FHIT: variants seen among roughly 807,000 people sequenced by gnomAD.
FHIT encodes the protein bis(5'-adenosyl)-triphosphatase.
FHIT carries 19 observed loss-of-function variants against 17.9 expected under a neutral mutation model. The observed-to-expected ratio is 1.06, with a 90% confidence interval of 0.74 to 1.56. FHIT has a LOEUF of 1.56. Among genes scored for constraint, FHIT ranks in the 40% most tolerant of loss-of-function variants. FHIT has a pLI of 0.00. For missense variants in FHIT, 248 were observed against 189.2 expected (o/e 1.31, Z -1.82); for synonymous variants, 81 against 69.7 (o/e 1.16, Z -0.81).
chr3:60,609,681 AG>A (rs1464401357), intron 4 of FHIT, among the ~76,000 whole-genome samples: 4 of 152,130 alleles, frequency 2.6e-5, no homozygotes, highest in African/African-American at 9.7e-5. Flanking sequence ...CACTAGGCTT[AG>A]GCAAGTACCA....
At chr3:60,491,702 C>T (rs2034075230) in intron 5 of FHIT, among the ~76,000 whole-genome samples, 1 of 152,080 alleles carries the variant, frequency 6.6e-6, no homozygotes, top group African/African-American at 2.4e-5. Flanking sequence ...CATTTTTAGC[C>T]ATGGATTTAA....
At chr3:60,283,210 G>A (rs534288266) in intron 5 of FHIT, among the ~76,000 whole-genome samples, 32 of 152,084 alleles carry the variant, frequency 2.1e-4, no homozygotes, top group African/African-American at 7.5e-4. Flanking sequence ...TGATTTAGGA[G>A]AGCGAAAAAC....
intron 3 of FHIT, among the ~76,000 whole-genome samples, chr3:60,824,387 A>T (rs1180810219): frequency 5.3e-5 from 8 of 152,240 alleles, no homozygotes; most frequent in African/African-American, 1.7e-4. Context: ...TGTACTGATC[A>T]TCTGAATAAA....
At chr3:60,202,920 G>A (rs909011449) in intron 5 of FHIT, among the ~76,000 whole-genome samples, 33 of 152,092 alleles carry the variant, frequency 2.2e-4, no homozygotes, top group Non-Finnish European at 3.7e-4. Context: ...CTTTGTCTAT[G>A]ACCTCAGCTT....
At chr3:60,318,295 G>C (rs996670207) in intron 5 of FHIT, among the ~76,000 whole-genome samples, 2 of 152,078 alleles carry the variant, frequency 1.3e-5, no homozygotes, top group African/African-American at 2.4e-5. Flanking sequence ...CTAACAAAAG[G>C]AAAGTCTTGC....
intron 5 of FHIT, among the ~76,000 whole-genome samples, chr3:60,246,107 G>T (rs184574159): frequency 1.2e-4 from 19 of 152,190 alleles, no homozygotes; most frequent in Admixed American, 1.2e-3. Context: ...TAGATCAGAA[G>T]TATGGAATGA....
intron 8 of FHIT, among the ~76,000 whole-genome samples, chr3:59,905,075 T>C (rs527571169): frequency 6.6e-6 from 1 of 152,326 alleles, no homozygotes; most frequent in South Asian, 2.1e-4. Flanking sequence ...GGCTTTAAAC[T>C]CTCTTCCACT....
At chr3:60,417,423 T>C (rs954455428) in intron 5 of FHIT, among the ~76,000 whole-genome samples, 1 of 152,170 alleles carries the variant, frequency 6.6e-6, no homozygotes, top group Non-Finnish European at 1.5e-5. Context: ...ACACAGTGGG[T>C]CCATTTGCTG....
intron 8 of FHIT, among the ~76,000 whole-genome samples, chr3:59,814,955 T>C (rs1426683781): frequency 6.6e-6 from 1 of 152,200 alleles, no homozygotes; most frequent in Non-Finnish European, 1.5e-5. Flanking sequence ...GAGTACACAT[T>C]CCAGCTCATG....
At chr3:61,100,426 T>C (rs1275413405) in intron 2 of FHIT, among the ~76,000 whole-genome samples, 1 of 152,210 alleles carries the variant, frequency 6.6e-6, no homozygotes, top group African/African-American at 2.4e-5. Context: ...TTCCATGGTG[T>C]ATATGTGCCA....
chr3:60,250,351 A>T (rs1007306825), intron 5 of FHIT, among the ~76,000 whole-genome samples: 9 of 152,192 alleles, frequency 5.9e-5, no homozygotes, highest in African/African-American at 2.2e-4. Flanking sequence ...TGACTAAAGG[A>T]GCACATTTTT....
intron 3 of FHIT, among the ~76,000 whole-genome samples, chr3:61,014,696 C>T (rs181387103): frequency 0.013 from 1,820 of 145,212 alleles, 40 homozygotes; most frequent in African/African-American, 0.045. Context: ...ATGAGAATGG[C>T]GTGAACCCAG....
At chr3:60,158,169 C>A (rs1403729475) in intron 5 of FHIT, among the ~76,000 whole-genome samples, 1 of 152,114 alleles carries the variant, frequency 6.6e-6, no homozygotes, top group Admixed American at 6.5e-5. Flanking sequence ...TATAGCTGGG[C>A]CTCACTGTTA....
At chr3:60,424,322 G>C (rs1169410709) in intron 5 of FHIT, among the ~76,000 whole-genome samples, 2 of 152,076 alleles carry the variant, frequency 1.3e-5, no homozygotes, top group Admixed American at 6.6e-5. Flanking sequence ...TAATATCGGA[G>C]AACATGTTTT....
At chr3:60,476,505 C>G (rs413942) in intron 5 of FHIT, among the ~76,000 whole-genome samples, 6,884 of 152,210 alleles carry the variant, frequency 0.045, 200 homozygotes, top group Middle Eastern at 0.1. Flanking sequence ...AACGATTGGG[C>G]AGAAAGGAAT....
At chr3:59,986,987 T>A (rs1266433211) in intron 7 of FHIT, among the ~76,000 whole-genome samples, 47 of 127,756 alleles carry the variant, frequency 3.7e-4, no homozygotes, top group Non-Finnish European at 5.7e-4. Flanking sequence ...AGAAAAATAT[T>A]TTATATTTTA....
chr3:59,926,498 T>A (rs2107209052), intron 7 of FHIT, among the ~76,000 whole-genome samples: 1 of 152,216 alleles, frequency 6.6e-6, no homozygotes, highest in Non-Finnish European at 1.5e-5. Flanking sequence ...CATAACGGTA[T>A]AAGGTAAATA....
chr3:61,089,727 G>A (rs760556838), intron 2 of FHIT, among the ~76,000 whole-genome samples: 13 of 152,144 alleles, frequency 8.5e-5, no homozygotes, highest in Non-Finnish European at 1.3e-4. Context: ...TGTGTGTAAA[G>A]AGACTAAGTT....
Position 61,088,230 on chromosome 3 carries a change from A to G in FHIT, c.-163-46131T>C, listed in dbSNP as rs953280136. On this transcript the variant is annotated intron_variant, in intron 2 of 9. Transcript: ENST00000492590. Reference sequence around the variant, plus strand: ...GAAAAGAGTTTTGTTTTAGAACTGGAAGGTCATCCCAAGAAATATTACTAT... The same window carrying G: ...GAAAAGAGTTTTGTTTTAGAACTGGGAGGTCATCCCAAGAAATATTACTAT... Among the ~76,000 whole-genome samples the G allele has an allele frequency of 2.6e-5, 4 of 152,136 alleles. No homozygotes were observed. In the South Asian group the frequency reaches 8.3e-4, roughly 32 times the overall value.
Sources: gnomAD v4.1 joint callset for allele counts (sites outside exome capture counted in the v4.1 genomes callset) on GRCh38, gnomAD v4.1.1 for gene constraint, MANE v1.5 for transcripts, NCBI Gene and HGNC (gene_info 2026-07-23, HGNC 2026-07-21) for gene names.